APOO: variants seen among roughly 807,000 people sequenced by gnomAD.
APOO encodes apolipoprotein O.
In APOO, 11 loss-of-function variants were observed where a neutral mutation model predicts 23.1. That is an observed-to-expected ratio of 0.48 (90% CI 0.30 to 0.79). The LOEUF is 0.79. Ranked by LOEUF, APOO falls within the 30% of genes least tolerant of loss-of-function variation. The probability of loss-of-function intolerance (pLI) is 0.07; values close to 1 mark genes in which losing one functional copy is unlikely to be tolerated. For missense variants in APOO, 160 were observed against 142.7 expected, an observed-to-expected ratio of 1.12 and a Z score of -0.62; for synonymous variants, 59 against 54.8, an observed-to-expected ratio of 1.08 and a Z score of -0.34.
In APOO at chrX:23,862,410, G is replaced by A. The variant is rs1049942178; in HGVS notation, c.389-3677C>T. 6.3e-5 allele frequency among the ~76,000 whole-genome samples: 7 copies of A among 110,871 alleles called. No individual in the cohort carries two copies. The East Asian group carries it at 1.4e-3, about 22-fold the overall frequency. On this transcript the variant is annotated intron_variant, in intron 5 of 8. Coordinates refer to ENST00000379226, the MANE Select transcript of APOO (RefSeq NM_024122.5). ...TCAAGAAAATATAAGAGACACATAG[G>A]GTCCTTTTAAATAACTCAATTGCTA...
chrX:23,904,320 A>G (rs1927258596), intron 1 of APOO, among the ~76,000 whole-genome samples: 1 of 110,678 alleles, frequency 9.0e-6, no homozygotes, highest in African/African-American at 3.3e-5. Flanking sequence ...TTACAGGGTC[A>G]GACAACTGAC....
intron 7 of APOO, among the ~76,000 whole-genome samples, chrX:23,851,776 C>T (rs927403811): frequency 8.9e-6 from 1 of 111,968 alleles, no homozygotes; most frequent in African/African-American, 3.2e-5. Context: ...AGAATCATTT[C>T]GTAAGAGGGA....
intron 7 of APOO, among the ~76,000 whole-genome samples, chrX:23,845,609 T>C (rs1049067233): frequency 1.8e-5 from 2 of 112,593 alleles, no homozygotes; most frequent in Non-Finnish European, 3.7e-5. Flanking sequence ...TAATTGTCCT[T>C]CTGTGATTAG....
At chrX:23,904,392 C>G (rs1326659499) in intron 1 of APOO, among the ~76,000 whole-genome samples, 1 of 110,899 alleles carries the variant, frequency 9.0e-6, no homozygotes, top group Admixed American at 9.7e-5. Context: ...TCCTCCTCCT[C>G]TTGCTCTAGA....
chrX:23,881,947 CAAAAAAAAAA>C (rs56820853), intron 1 of APOO, among the ~76,000 whole-genome samples: 1 of 31,812 alleles, frequency 3.1e-5, no homozygotes, highest in Non-Finnish European at 5.2e-5. Flanking sequence ...GACTCCACCT[CAAAAAAAAAA>C]AAAAAAAAAA....
intron 6 of APOO, among the ~76,000 whole-genome samples, chrX:23,857,991 G>A (rs1174537857): frequency 2.7e-5 from 3 of 111,612 alleles, no homozygotes; most frequent in Non-Finnish European, 5.6e-5. Context: ...CTGAGAGTTT[G>A]CATTTCTAAC....
At chrX:23,842,217 T>C (rs966132107) in intron 7 of APOO, among the ~76,000 whole-genome samples, 10 of 110,962 alleles carry the variant, frequency 9.0e-5, no homozygotes, top group African/African-American at 3.3e-4. Context: ...GCTGAAATCC[T>C]GTCTCTAAAA....
At chrX:23,871,174 A>T (rs1957151104) in intron 4 of APOO, among the ~76,000 whole-genome samples, 1 of 101,762 alleles carries the variant, frequency 9.8e-6, no homozygotes, top group Non-Finnish European at 2.0e-5. Context: ...AACATGGTGA[A>T]ACCCCAACTC....
intron 1 of APOO, among the ~76,000 whole-genome samples, chrX:23,892,255 A>AT (rs765843540): frequency 3.0e-3 from 292 of 98,397 alleles, no homozygotes; most frequent in South Asian, 3.6e-3. Flanking sequence ...CCAGCTAATT[A>AT]TTTTTTTTTT....
Position 23,907,696 on chromosome X carries a change from T to A in APOO, c.7A>T (p.Lys3Ter). MF[K>*]VIQRSVGPAS... is the part of the protein sequence containing the mutation. ...GTGACTCGACTCCACGCTCTCACCT[T>A]GAACATGTCGCTGGCAGCGGAGGCT... Residue 3 changes from lysine to a stop codon, truncating the protein, a stop_gained and splice_region_variant, in exon 1 of 9, where the codon AAG becomes TAG. Transcript: ENST00000379226. LOFTEE classifies it high-confidence loss of function. 1 of 1,159,850 alleles carries A rather than the reference T, an allele frequency of 8.6e-7. No homozygotes were observed. Among genetic ancestry groups the A allele is most frequent in the Non-Finnish European group, 1.1e-6 (1 of 870,370 alleles).
intron 5 of APOO, among the ~76,000 whole-genome samples, chrX:23,863,942 G>A (rs1162344749): frequency 9.1e-6 from 1 of 110,467 alleles, no homozygotes; most frequent in Non-Finnish European, 1.9e-5. Context: ...GAGAGGCATA[G>A]TGTTTTTTGC....
chrX:23,885,187 T>C (rs1926315725), intron 1 of APOO, among the ~76,000 whole-genome samples: 1 of 107,533 alleles, frequency 9.3e-6, no homozygotes, highest in African/African-American at 3.4e-5. Flanking sequence ...TCACCTGAGG[T>C]CGGGAGTTCG....
chrX:23,898,759 G>A (rs1292713555), intron 1 of APOO, among the ~76,000 whole-genome samples: 5 of 111,351 alleles, frequency 4.5e-5, no homozygotes, highest in Non-Finnish European at 9.4e-5. Context: ...AAACTTCTTG[G>A]AGCCCGTATA....
At chrX:23,874,230 T>A (rs1303187429) in intron 4 of APOO, among the ~76,000 whole-genome samples, 173 bp downstream of exon 4, 1 of 111,751 alleles carries the variant, frequency 8.9e-6, no homozygotes, top group Non-Finnish European at 1.9e-5. Context: ...ACTAGTTGCC[T>A]GAAATCTGAT....
At chrX:23,863,699 G>A (rs1259610417) in intron 5 of APOO, among the ~76,000 whole-genome samples, 2 of 110,703 alleles carry the variant, frequency 1.8e-5, no homozygotes, top group Non-Finnish European at 3.8e-5. Flanking sequence ...AGGAGAAGAT[G>A]ACATGGAACC....
At chrX:23,881,358 A>G (rs755903959) in intron 1 of APOO, among the ~76,000 whole-genome samples, 1 of 108,747 alleles carries the variant, frequency 9.2e-6, no homozygotes, top group South Asian at 4.0e-4. Flanking sequence ...TACAGGTGTG[A>G]GCCAGTGCAC....
intron 4 of APOO, among the ~76,000 whole-genome samples, chrX:23,872,456 G>C (rs1925661089): frequency 9.3e-6 from 1 of 107,165 alleles, no homozygotes; most frequent in Non-Finnish European, 1.9e-5. Context: ...ACTATATCAG[G>C]AGTTCTCTAG....
chrX:23,899,734 C>T (rs892981109), intron 1 of APOO, among the ~76,000 whole-genome samples: 7 of 112,227 alleles, frequency 6.2e-5, no homozygotes, highest in Non-Finnish European at 1.3e-4. Flanking sequence ...TTATTACACA[C>T]CTAATAACAT....
Position 23,880,593 on chromosome X carries a change from G to A in APOO, c.117+252C>T, listed in dbSNP as rs916315527. Among the ~76,000 whole-genome samples, 13 of 109,966 alleles carry A rather than the reference G, an allele frequency of 1.2e-4. No homozygotes were observed. In the East Asian group the frequency reaches 3.4e-3, roughly 29 times the overall value. ...ACATGCCTATAATCCCAGCTACTTG[G>A]GAGGCTGAGGCAGGAGAATGGCTTG... On this transcript the variant is annotated intron_variant, in intron 2 of 8. Transcript: ENST00000379226.
Sources: allele counts gnomAD v4.1 joint callset (sites outside exome capture counted in the v4.1 genomes callset), GRCh38; gene constraint gnomAD v4.1.1; transcripts MANE v1.5; gene names NCBI Gene and HGNC (gene_info 2026-07-23, HGNC 2026-07-21).